FOXJ3: variants seen among roughly 807,000 people sequenced by gnomAD.
The protein encoded by FOXJ3 is forkhead box protein J3.
Under a neutral mutation model 76.1 loss-of-function variants are expected in FOXJ3, and 22 were observed. The ratio of observed to expected loss-of-function variants is 0.29; its 90% CI spans 0.21 to 0.41. FOXJ3 has a LOEUF of 0.41. Ranked by LOEUF, FOXJ3 falls within the 10% of genes least tolerant of loss-of-function variation. FOXJ3 has a pLI of 1.00. For missense variants in FOXJ3, 613 were observed against 762.1 expected, an observed-to-expected ratio of 0.80 and a Z score of 2.30; for synonymous variants, 269 against 261.2, an observed-to-expected ratio of 1.03 and a Z score of -0.29.
At chr1:42,235,390 G>A (rs570383004) in intron 4 of FOXJ3, among the ~76,000 whole-genome samples, 77 of 152,210 alleles carry the variant, frequency 5.1e-4, no homozygotes, top group South Asian at 3.9e-3. Context: ...GCTCACGCTC[G>A]GTGCGCTGCA....
At chr1:42,317,648 T>C (rs1040622725) in intron 1 of FOXJ3, among the ~76,000 whole-genome samples, 2 of 151,772 alleles carry the variant, frequency 1.3e-5, no homozygotes, top group Non-Finnish European at 2.9e-5. Context: ...TGGCTTTTAA[T>C]AGAAGATAAT....
intron 1 of FOXJ3, among the ~76,000 whole-genome samples, chr1:42,319,782 C>T (rs1248062710): frequency 6.6e-6 from 1 of 152,202 alleles, no homozygotes; most frequent in Non-Finnish European, 1.5e-5. Context: ...GGATCCACCC[C>T]CAAACCCCAA....
At chr1:42,314,100 G>A (rs925756173) in intron 1 of FOXJ3, among the ~76,000 whole-genome samples, 2 of 152,068 alleles carry the variant, frequency 1.3e-5, no homozygotes, top group African/African-American at 4.8e-5. Flanking sequence ...CTCTTTGTTA[G>A]AGCAGACTAA....
At chr1:42,279,162 A>G (rs1652511108) in intron 2 of FOXJ3, among the ~76,000 whole-genome samples, 2 of 152,226 alleles carry the variant, frequency 1.3e-5, no homozygotes, top group Admixed American at 1.3e-4. Flanking sequence ...AGTAACTGAG[A>G]AACTGGCATA....
intron 3 of FOXJ3, among the ~76,000 whole-genome samples, chr1:42,265,638 T>C (rs1651406897): frequency 1.3e-5 from 2 of 152,196 alleles, no homozygotes; most frequent in Non-Finnish European, 2.9e-5. Context: ...ACTATTTTCT[T>C]CTCTTTACTT....
chr1:42,230,446 T>TC (rs1205422448), intron 4 of FOXJ3, among the ~76,000 whole-genome samples: 1 of 152,224 alleles, frequency 6.6e-6, no homozygotes, highest in East Asian at 1.9e-4. Flanking sequence ...TGCATATACC[T>TC]AATGAGAGAT....
At chr1:42,264,659 A>T (rs1040212177) in intron 4 of FOXJ3, among the ~76,000 whole-genome samples, 2 of 152,074 alleles carry the variant, frequency 1.3e-5, no homozygotes, top group African/African-American at 4.8e-5. Flanking sequence ...AACGCTAAAA[A>T]CGTGAAAAAT....
intron 4 of FOXJ3, among the ~76,000 whole-genome samples, chr1:42,262,037 G>C (rs528239086): frequency 1.3e-5 from 2 of 152,264 alleles, no homozygotes; most frequent in East Asian, 1.9e-4. Flanking sequence ...GGTGATTTGG[G>C]GGGTGACGGG....
rs977870914 is a variant in FOXJ3 at position 42,301,645 on chromosome 1, C to G, written c.44+9405G>C. ...TTTCAACTATATTTTGTAATTCTTT[C>G]AATGAATTTTTCATTTCCAAAAGAT... On this transcript the variant is annotated intron_variant, in intron 2 of 12. Coordinates refer to ENST00000361346, the MANE Select transcript of FOXJ3 (RefSeq NM_014947.5). Among the ~76,000 whole-genome samples the G allele has an allele frequency of 3.9e-5, 6 of 152,112 alleles. No individual in the cohort carries two copies. The East Asian group carries it at 1.2e-3, about 29-fold the overall frequency.
At chr1:42,218,114 G>T (rs1647109035) in intron 5 of FOXJ3, among the ~76,000 whole-genome samples, 1 of 152,116 alleles carries the variant, frequency 6.6e-6, no homozygotes, top group South Asian at 2.1e-4. Context: ...CATGTAGATT[G>T]CAATTCTTCC....
At chr1:42,310,909 C>T (rs916376776) in intron 2 of FOXJ3, 141 bp downstream of exon 2, 6 of 545,560 alleles carry the variant, frequency 1.1e-5, no homozygotes, top group East Asian at 6.4e-5. Flanking sequence ...CATTCCATTC[C>T]GCCAAATTGC....
chr1:42,269,028 G>T (rs1396637378), intron 3 of FOXJ3, among the ~76,000 whole-genome samples: 1 of 152,096 alleles, frequency 6.6e-6, no homozygotes, highest in Non-Finnish European at 1.5e-5. Context: ...CCAGCCTCCA[G>T]AATTATGAGA....
At chr1:42,262,559 C>T (rs1017230221) in intron 4 of FOXJ3, among the ~76,000 whole-genome samples, 3 of 152,140 alleles carry the variant, frequency 2.0e-5, no homozygotes, top group African/African-American at 7.2e-5. Context: ...ATTTAAACCT[C>T]GCTTTGTGGC....
intron 5 of FOXJ3, among the ~76,000 whole-genome samples, chr1:42,216,108 T>C (rs1179287565): frequency 6.6e-6 from 1 of 152,134 alleles, no homozygotes; most frequent in Admixed American, 6.5e-5. Context: ...AATTTGTTGC[T>C]AGGAGACCTG....
At chr1:42,334,363 G>A (rs1485407602) in intron 1 of FOXJ3, among the ~76,000 whole-genome samples, 2 of 152,104 alleles carry the variant, frequency 1.3e-5, no homozygotes, top group East Asian at 1.9e-4. Flanking sequence ...GGAAATCACA[G>A]AGGAAAAACC....
intron 4 of FOXJ3, among the ~76,000 whole-genome samples, chr1:42,264,224 T>C (rs1557684379): frequency 4.6e-5 from 7 of 152,052 alleles, no homozygotes; most frequent in Admixed American, 4.6e-4. Context: ...AATAGCATGT[T>C]TGGAAAACTT....
In FOXJ3 at chr1:42,189,283, C is replaced by CA. The variant is rs758826868; in HGVS notation, c.1453+19dup. The stretch of plus-strand genomic sequence containing the variant: ...GGATCATGTGTATTTGGTTATATGT[C>CA]AAAAAGAACCAACACTCACCTTGAA... On this transcript the variant is annotated intron_variant, in intron 10 of 12. Transcript: ENST00000361346. 8 of 1,514,492 alleles carry CA rather than the reference C, an allele frequency of 5.3e-6. No homozygotes were observed. In the African/African-American group the frequency reaches 9.6e-5, roughly 18 times the overall value. The allele number at this position is 1,514,492 out of a possible 1,614,324, so 93.8% of individuals were successfully genotyped here.
intron 4 of FOXJ3, among the ~76,000 whole-genome samples, chr1:42,230,309 A>T (rs978277631): frequency 7.2e-5 from 11 of 152,150 alleles, no homozygotes; most frequent in African/African-American, 2.7e-4. Context: ...ATAACACTTT[A>T]TACCCACTAG....
intron 1 of FOXJ3, among the ~76,000 whole-genome samples, chr1:42,331,925 C>G (rs1455837726): frequency 1.3e-5 from 2 of 151,812 alleles, no homozygotes; most frequent in Admixed American, 6.6e-5. Flanking sequence ...TAAGGAAATA[C>G]TAATAATTAC....
Sources: gnomAD v4.1 joint callset for allele counts (sites outside exome capture counted in the v4.1 genomes callset) on GRCh38, gnomAD v4.1.1 for gene constraint, MANE v1.5 for transcripts, NCBI Gene and HGNC (gene_info 2026-07-23, HGNC 2026-07-21) for gene names.